PAX2: variants seen among roughly 807,000 people sequenced by gnomAD.
The protein encoded by PAX2 is paired box 2.
A neutral mutation model predicts 41.7 loss-of-function variants in PAX2; 9 were observed. The ratio of observed to expected loss-of-function variants is 0.22; its 90% CI spans 0.13 to 0.38. The LOEUF (loss-of-function observed/expected upper bound fraction) is 0.38, where lower values mean the gene tolerates loss of function less well. PAX2 is among the 10% of genes least tolerant of loss of function. The probability of loss-of-function intolerance (pLI) is 1.00; values close to 1 mark genes in which losing one functional copy is unlikely to be tolerated. For synonymous variants in PAX2, 221 were observed against 212.7 expected (o/e 1.04, Z -0.34); for missense variants, 418 against 531.6 (o/e 0.79, Z 2.10).
In PAX2 at chr10:100,806,589, A is replaced by C; in HGVS notation, c.776A>C (p.His259Pro). The change falls in exon 6 of 10, where the codon CAC becomes CCC. Residue 259 changes from histidine (H) to proline (P), a missense_variant. Physicochemically the swap from His to Pro is moderately conservative, Grantham distance 77 (BLOSUM62 -2). Coordinates refer to ENST00000355243, the MANE Select transcript of PAX2 (RefSeq NM_000278.5). ...SYPDVFQASE[H>P]IKSEQGNEYS... is the part of the protein sequence containing the mutation. ...CCTGACGTCTTCCAGGCATCAGAGC[A>C]CATCAAATCAGAACAGGTGAGGAGG... 1 of 1,614,072 alleles carries C rather than the reference A, an allele frequency of 6.2e-7. No individual in the cohort carries two copies. The highest frequency in any genetic ancestry group is 8.5e-7 in the Non-Finnish European group (1 of 1,180,026).
chr10:100,792,728 C>T (rs1355381432), intron 5 of PAX2, among the ~76,000 whole-genome samples: 2 of 151,748 alleles, frequency 1.3e-5, no homozygotes, highest in African/African-American at 2.4e-5. Context: ...TCTCCCTCCC[C>T]CTCCCTCCCC....
intron 7 of PAX2, among the ~76,000 whole-genome samples, chr10:100,812,561 G>A (rs80311290): frequency 0.012 from 1,769 of 152,284 alleles, 15 homozygotes; most frequent in Non-Finnish European, 0.02. Context: ...AGGGCCCTCC[G>A]GGTCAGGGCA....
intron 6 of PAX2, among the ~76,000 whole-genome samples, chr10:100,807,284 C>T (rs528677715): frequency 2.6e-5 from 4 of 152,268 alleles, no homozygotes; most frequent in African/African-American, 9.6e-5. Context: ...CCACCATCCA[C>T]CTGCTCCCCT....
intron 3 of PAX2, among the ~76,000 whole-genome samples, chr10:100,778,843 G>A (rs971771708): frequency 7.9e-5 from 12 of 152,160 alleles, no homozygotes; most frequent in African/African-American, 2.9e-4. Flanking sequence ...AGCCATATAG[G>A]AACAGGGCTC....
At chr10:100,778,688 A>G (rs764330265) in intron 3 of PAX2, among the ~76,000 whole-genome samples, 6 of 152,006 alleles carry the variant, frequency 3.9e-5, no homozygotes, top group Admixed American at 6.6e-5. Context: ...GGTTTTTCAG[A>G]TCCCTGAAAA....
rs1203037618 is a variant in PAX2 at position 100,827,595 on chromosome 10, T to C, written c.1161T>C (p.Ala387=). Residue 387 remains alanine (A), a synonymous_variant, in exon 10 of 10, where the codon GCT becomes GCC. Coordinates refer to ENST00000355243, the MANE Select transcript of PAX2 (RefSeq NM_000278.5). This position sits in a 1 kb window ranked among gnomAD's most constrained non-coding sequence, Gnocchi z 8.5. ...AAPRGSAPAA[A]AAAYDRH ...CCCGGGGCTCCGCCCCTGCCGCTGC[T>C]GCCGCTGCCTATGACCGCCACTAGT... 3 of 1,613,654 alleles carry C rather than the reference T, an allele frequency of 1.9e-6. No individual in the cohort carries two copies. Among genetic ancestry groups the C allele is most frequent in the Admixed American group, 1.7e-5 (1 of 60,012 alleles).
rs1219514564 is a variant in PAX2, at chr10:100,781,372, A to G, written c.616+7A>G. ...AAGAGGAAACGTGATGAAGGTAGGG[A>G]GGAGGGAAGAGGTGTGGCTTCCCCT... On this transcript the variant is annotated splice_region_variant and intron_variant, in intron 5 of 9. Coordinates refer to ENST00000355243, the MANE Select transcript of PAX2 (RefSeq NM_000278.5). The G allele has an allele frequency of 6.2e-7, 1 of 1,613,912 alleles. No individual in the cohort carries two copies. Among genetic ancestry groups the G allele is most frequent in the Non-Finnish European group, 8.5e-7 (1 of 1,179,930 alleles).
intron 1 of PAX2, 150 bp downstream of exon 1, chr10:100,746,453 G>A (rs572853528): frequency 4.1e-5 from 30 of 725,416 alleles, no homozygotes; most frequent in African/African-American, 3.6e-4. Context: ...TCTCTCCCTC[G>A]CCCGGTGTTT....
At chr10:100,809,004 T>C in intron 6 of PAX2, 106 bp from the exon 7 acceptor site, 1 of 1,046,222 alleles carries the variant, frequency 9.6e-7, no homozygotes, top group Non-Finnish European at 1.5e-6. Flanking sequence ...CATCTCTTTC[T>C]ACCCCATCTG....
At chr10:100,759,167 G>C (rs1037067629) in intron 3 of PAX2, among the ~76,000 whole-genome samples, 1 of 152,196 alleles carries the variant, frequency 6.6e-6, no homozygotes, top group Non-Finnish European at 1.5e-5. Context: ...CAAGGTCTTG[G>C]GGGTGGTGGG....
At chr10:100,796,720 T>A (rs1050449316) in intron 5 of PAX2, among the ~76,000 whole-genome samples, 3 of 152,238 alleles carry the variant, frequency 2.0e-5, no homozygotes, top group African/African-American at 7.2e-5. Context: ...CTGCACCCCC[T>A]TCCTGAGCTA....
intron 3 of PAX2, among the ~76,000 whole-genome samples, chr10:100,776,208 C>G (rs1033435986): frequency 6.6e-6 from 1 of 152,198 alleles, no homozygotes; most frequent in African/African-American, 2.4e-5. Flanking sequence ...TTTCCAAAAA[C>G]TTCTGAGGCA....
At chr10:100,737,580 G>A (rs1019028055) in intron 1 of PAX2, among the ~76,000 whole-genome samples, 3 of 152,246 alleles carry the variant, frequency 2.0e-5, no homozygotes, top group Non-Finnish European at 2.9e-5. Context: ...ACAGGGCTGT[G>A]TTTGGGAAAA....
At chr10:100,806,831 G>A (rs1375055321) in intron 6 of PAX2, among the ~76,000 whole-genome samples, 1 of 152,220 alleles carries the variant, frequency 6.6e-6, no homozygotes, top group African/African-American at 2.4e-5. Flanking sequence ...CTGGGTGCAA[G>A]AGTATGGCCT....
intron 3 of PAX2, among the ~76,000 whole-genome samples, chr10:100,754,329 G>C (rs1191564159): frequency 2.0e-5 from 3 of 152,172 alleles, no homozygotes; most frequent in Non-Finnish European, 4.4e-5. Context: ...TCCCCCGAGG[G>C]TGCTCTTTTG....
chr10:100,782,778 G>A (rs1171433162), intron 5 of PAX2, among the ~76,000 whole-genome samples: 1 of 152,264 alleles, frequency 6.6e-6, no homozygotes, highest in Non-Finnish European at 1.5e-5. Context: ...GGCCCCTGAT[G>A]GGCAGGGGGA....
rs1173436007 is a variant in PAX2, at chr10:100,750,969, T to C, written c.410+78T>C. On this transcript the variant is annotated intron_variant, in intron 3 of 9. Coordinates refer to ENST00000355243, the MANE Select transcript of PAX2 (RefSeq NM_000278.5). This position sits in a 1 kb window ranked among gnomAD's most constrained non-coding sequence, Gnocchi z 4.1. ...CTGCAGGGGTGTCCCACGCCCAGTCTCTGCTCTTTGTCCAGCCTCTGCCCT... is the reference window on the plus strand; with the variant it reads ...CTGCAGGGGTGTCCCACGCCCAGTCCCTGCTCTTTGTCCAGCCTCTGCCCT... 1.8e-6 allele frequency: 2 copies of C among 1,114,990 alleles called. No homozygotes were observed. The highest frequency in any genetic ancestry group is 4.7e-5 in the East Asian group (2 of 42,600). The allele number at this position is 1,114,990 out of a possible 1,614,324, so 69.1% of individuals were successfully genotyped here.
At position 100,745,687 on chromosome 10, in the gene PAX2, G is replaced by C; in HGVS notation, c.-574G>C. The C allele has an allele frequency of 1.1e-6, 1 of 945,056 alleles. No homozygotes were observed. The highest frequency in any genetic ancestry group is 1.3e-6 in the Non-Finnish European group (1 of 781,310). 58.5% of individuals were successfully genotyped at this position (945,056 alleles called of 1,614,324 possible). ...CCCTCCCGGCCCTTCGGCCGCGGCGGCGTGCGCCTGCCTTTTCCGGGGGCG... is the reference window on the plus strand; with the variant it reads ...CCCTCCCGGCCCTTCGGCCGCGGCGCCGTGCGCCTGCCTTTTCCGGGGGCG... On this transcript the variant is annotated 5_prime_UTR_variant, in exon 1 of 10. Transcript: ENST00000355243.
intron 5 of PAX2, among the ~76,000 whole-genome samples, chr10:100,796,769 C>T (rs1847353769): frequency 6.6e-6 from 1 of 152,126 alleles, no homozygotes; most frequent in African/African-American, 2.4e-5. Context: ...CCCTGCATCC[C>T]CATCATTTCC....
Sources: gnomAD v4.1 joint callset for allele counts (sites outside exome capture counted in the v4.1 genomes callset) on GRCh38, gnomAD v4.1.1 for gene constraint, Gnocchi (gnomAD v3.1) non-coding constraint, MANE v1.5 for transcripts, NCBI Gene and HGNC (gene_info 2026-07-23, HGNC 2026-07-21) for gene names.